The following DDX19B variants were observed in gnomAD, a reference collection of about 807,000 sequenced individuals.
The protein encoded by DDX19B is DEAD-box helicase 19B, also known as ATP-dependent RNA helicase DDX19B.
Under a neutral mutation model 58.1 loss-of-function variants are expected in DDX19B, and 27 were observed. That is an observed-to-expected ratio of 0.46 (90% CI 0.34 to 0.64). The LOEUF (loss-of-function observed/expected upper bound fraction) is 0.64, where lower values mean the gene tolerates loss of function less well. Among genes scored for constraint, DDX19B ranks in the 30% least tolerant of loss-of-function variants. The pLI is 0.01. For missense variants in DDX19B, 399 were observed against 596.5 expected (o/e 0.67, Z 3.45); for synonymous variants, 187 against 214.4 (o/e 0.87, Z 1.12).
chr16:70,328,680 A>G (rs1963307566), intron 7 of DDX19B, among the ~76,000 whole-genome samples: 1 of 151,902 alleles, frequency 6.6e-6, no homozygotes, highest in Non-Finnish European at 1.5e-5. Flanking sequence ...TTATTTTTAA[A>G]TGTACAATAT....
intron 5 of DDX19B, among the ~76,000 whole-genome samples, chr16:70,322,424 T>C (rs1962886457): frequency 6.7e-6 from 1 of 149,944 alleles, no homozygotes; most frequent in Admixed American, 6.7e-5. Flanking sequence ...AACCCATCTC[T>C]ACAAAAAAAA....
At chr16:70,329,761 G>A in intron 8 of DDX19B, 70 bp from the exon 9 acceptor site, 2 of 1,595,312 alleles carry the variant, frequency 1.3e-6, no homozygotes, top group East Asian at 4.5e-5. Flanking sequence ...GACCCTCCCA[G>A]CTGGGAAGGC....
rs149330337 is a variant in DDX19B, at chr16:70,323,657, C to T, written c.390-928C>T. 1.5e-3 allele frequency among the ~76,000 whole-genome samples: 221 copies of T among 151,296 alleles called. 5 individuals are homozygous for T. The highest frequency in any genetic ancestry group is 4.6e-3 in the African/African-American group (188 of 41,214). ...CAGGCTGGTCTCAAATTCCTGACCT[C>T]GAATGATCCACCCACCTCGGCCTCC... is the stretch of plus-strand genomic sequence containing the variant. On this transcript the variant is annotated intron_variant, in intron 5 of 11. Coordinates refer to ENST00000288071, the MANE Select transcript of DDX19B (RefSeq NM_007242.7).
intron 1 of DDX19B, among the ~76,000 whole-genome samples, chr16:70,301,681 T>C (rs193006341): frequency 1.3e-5 from 2 of 151,716 alleles, no homozygotes; most frequent in Admixed American, 1.3e-4. Context: ...TTTCTCTCTT[T>C]CTTTCTCTCT....
chr16:70,300,662 C>T (rs1314546961), intron 1 of DDX19B, among the ~76,000 whole-genome samples: 1 of 152,016 alleles, frequency 6.6e-6, no homozygotes, highest in Non-Finnish European at 1.5e-5. Flanking sequence ...CCTGAGTAAC[C>T]GGGACTACAA....
At chr16:70,316,138 T>G (rs764272089) in intron 4 of DDX19B, 34 bp downstream of exon 4, 2 of 1,613,390 alleles carry the variant, frequency 1.2e-6, no homozygotes, top group Non-Finnish European at 1.7e-6. Context: ...CTCTTCCCCT[T>G]TGCACTGAAA....
upstream of DDX19B, among the ~76,000 whole-genome samples, chr16:70,293,614 T>TTTTTTTTTTTTTTG: frequency 8.1e-6 from 1 of 123,086 alleles, no homozygotes; most frequent in Non-Finnish European, 1.6e-5. Context: ...TTTTTTTTTT[T>TTTTTTTTTTTTTTG]TTTTTTTTGA....
chr16:70,295,945 C>A (rs531136015), upstream of DDX19B, among the ~76,000 whole-genome samples: 60 of 151,904 alleles, frequency 3.9e-4, 1 homozygote, highest in South Asian at 0.012. Flanking sequence ...TCCACCCCCA[C>A]CCTTCTAGAG....
chr16:70,307,715 G>A (rs1399344490), intron 1 of DDX19B, among the ~76,000 whole-genome samples: 2 of 150,072 alleles, frequency 1.3e-5, no homozygotes, highest in African/African-American at 4.9e-5. Flanking sequence ...GTGTGTGTGT[G>A]TATATATGTG....
At position 70,324,759 on chromosome 16, in the gene DDX19B, G is replaced by T. The variant is rs189387666; in HGVS notation, c.492+72G>T. The T allele has an allele frequency of 1.5e-4, 213 of 1,452,852 alleles. No individual in the cohort carries two copies. In the African/African-American group the frequency reaches 2.7e-3, roughly 18 times the overall value. The allele number at this position is 1,452,852 out of a possible 1,614,324, so 90.0% of individuals were successfully genotyped here. A position where few individuals can be genotyped will look rare whatever the true frequency, so the allele number is the denominator to read the frequency against. On this transcript the variant is annotated intron_variant, in intron 6 of 11. Coordinates refer to ENST00000288071, the MANE Select transcript of DDX19B (RefSeq NM_007242.7). ...GGGATTTCCATTTGATGGATTAAAAGACAAGCTATGGGCTGGGTGCAGTGG... is the reference window on the plus strand; with the variant it reads ...GGGATTTCCATTTGATGGATTAAAATACAAGCTATGGGCTGGGTGCAGTGG...
At chr16:70,330,841 T>G (rs968082614) in intron 9 of DDX19B, among the ~76,000 whole-genome samples, 1 of 151,832 alleles carries the variant, frequency 6.6e-6, no homozygotes, top group Non-Finnish European at 1.5e-5. Context: ...GCCCAGGAGT[T>G]CAAGACCAGC....
intron 1 of DDX19B, among the ~76,000 whole-genome samples, chr16:70,303,129 TTTTTTG>T (rs758478382): frequency 6.6e-6 from 1 of 152,132 alleles, no homozygotes; most frequent in African/African-American, 2.4e-5. Context: ...AGAAGTTCTG[TTTTTTG>T]TTTTTGTTTT....
chr16:70,323,763 A>G (rs1475027218), intron 5 of DDX19B, among the ~76,000 whole-genome samples: 1 of 152,102 alleles, frequency 6.6e-6, no homozygotes, highest in Non-Finnish European at 1.5e-5. Context: ...CCTTCAAGGC[A>G]AGACTTGGTT....
At chr16:70,297,232 G>T (rs1422196958), upstream of DDX19B, among the ~76,000 whole-genome samples, 3 of 145,596 alleles carry the variant, frequency 2.1e-5, no homozygotes, top group African/African-American at 7.8e-5. Context: ...TATTTTTTTT[G>T]AGACAGAGTT....
chr16:70,302,886 A>ACCCTT (rs1961554670), intron 1 of DDX19B, among the ~76,000 whole-genome samples: 1 of 152,058 alleles, frequency 6.6e-6, no homozygotes, highest in Admixed American at 6.6e-5. Context: ...ACTGCCCCAC[A>ACCCTT]CCCTTCCCTG....
At chr16:70,317,894 A>G (rs1329699506) in intron 5 of DDX19B, 4 of 204,540 alleles carry the variant, frequency 2.0e-5, no homozygotes, top group African/African-American at 7.1e-5. Context: ...GCAGTGAACC[A>G]TGATCATACC....
intron 4 of DDX19B, 66 bp from the exon 5 acceptor site, chr16:70,317,430 T>G (rs2152201013): frequency 8.0e-7 from 1 of 1,253,604 alleles, no homozygotes; most frequent in South Asian, 1.3e-5. Context: ...AGAAAAATCC[T>G]CCAGATATTT....
At chr16:70,299,843 T>C (rs1381300727) in intron 1 of DDX19B, among the ~76,000 whole-genome samples, 1 of 152,140 alleles carries the variant, frequency 6.6e-6, no homozygotes, top group African/African-American at 2.4e-5. Flanking sequence ...AGGGACCATG[T>C]CTTTGCTCAT....
At position 70,331,726 on chromosome 16, in the gene DDX19B, G is replaced by T. The variant is rs758707810; in HGVS notation, c.1028G>T (p.Arg343Leu). 4 of 1,613,374 alleles carry T rather than the reference G, an allele frequency of 2.5e-6. No homozygotes were observed. The highest frequency in any genetic ancestry group is 1.3e-5 in the African/African-American group (1 of 74,880). Residue 343 changes from arginine to leucine, a missense_variant, in exon 10 of 12, where the codon CGC (arginine) becomes CTC (leucine). By Grantham distance (102) the Arg-to-Leu change is moderately radical. Coordinates refer to ENST00000288071, the MANE Select transcript of DDX19B (RefSeq NM_007242.7). The stretch of plus-strand genomic sequence containing the variant: ...AAACAATTCTTTTCACTACAGACTC[G>T]CAAAACAGCTAGTTGGCTGGCAGCA... ...IAQAMIFCHT[R>L]KTASWLAAEL...
Sources: gnomAD v4.1 joint callset for allele counts (sites outside exome capture counted in the v4.1 genomes callset) on GRCh38, gnomAD v4.1.1 for gene constraint, MANE v1.5 for transcripts, NCBI Gene and HGNC (gene_info 2026-07-23, HGNC 2026-07-21) for gene names.